Variants in OTUD7A observed in about 807,000 individuals in gnomAD.
OTUD7A encodes OTU domain-containing protein 7A.
OTUD7A carries 12 observed loss-of-function variants against 65.7 expected under a neutral mutation model. That is an observed-to-expected ratio of 0.18 (90% CI 0.12 to 0.30). The LOEUF (loss-of-function observed/expected upper bound fraction) is 0.30, where lower values mean the gene tolerates loss of function less well. Ranked by LOEUF, OTUD7A falls within the 10% of genes least tolerant of loss-of-function variation. OTUD7A has a pLI of 1.00. For synonymous variants in OTUD7A, 641 were observed against 586.3 expected (o/e 1.09, Z -1.35); for missense variants, 1,148 against 1,304.8 (o/e 0.88, Z 1.85).
chr15:31,815,192 C>T (rs558365220), intron 1 of OTUD7A, among the ~76,000 whole-genome samples: 1 of 152,302 alleles, frequency 6.6e-6, no homozygotes, highest in Non-Finnish European at 1.5e-5. Flanking sequence ...GGAAACTCCC[C>T]TCCAAACACC....
intron 1 of OTUD7A, among the ~76,000 whole-genome samples, chr15:31,750,031 A>G (rs1237692939): frequency 6.6e-6 from 1 of 152,220 alleles, no homozygotes; most frequent in Non-Finnish European, 1.5e-5. Flanking sequence ...TCTAAAGCAG[A>G]ACTCAAAAAC....
chr15:31,811,528 G>T (rs1316845222), intron 1 of OTUD7A, among the ~76,000 whole-genome samples: 1 of 152,018 alleles, frequency 6.6e-6, no homozygotes, highest in Non-Finnish European at 1.5e-5. Flanking sequence ...TGACATCTGT[G>T]GGGTGTGTGT....
At chr15:31,694,440 A>G (rs1307143553) in intron 1 of OTUD7A, among the ~76,000 whole-genome samples, 2 of 152,132 alleles carry the variant, frequency 1.3e-5, no homozygotes, top group Non-Finnish European at 1.5e-5. Context: ...CTCATCATTC[A>G]ACCAAAAAAC....
chr15:31,776,655 T>C (rs1259392093), intron 1 of OTUD7A, among the ~76,000 whole-genome samples: 2 of 152,180 alleles, frequency 1.3e-5, no homozygotes, highest in Non-Finnish European at 2.9e-5. Flanking sequence ...GACTTAGGAA[T>C]ACTGAGGAAA....
chr15:31,535,993 T>C (rs1161007578), intron 5 of OTUD7A, among the ~76,000 whole-genome samples: 1 of 152,210 alleles, frequency 6.6e-6, no homozygotes, highest in Non-Finnish European at 1.5e-5. Context: ...TTCTGTTTTC[T>C]AGTGAACTCA....
At chr15:31,532,533 T>TA (rs202169622) in intron 5 of OTUD7A, among the ~76,000 whole-genome samples, 55,810 of 147,298 alleles carry the variant, frequency 0.38, 11,146 homozygotes, top group East Asian at 0.68. Context: ...AAATTAAACT[T>TA]AAAAAAAAAA....
chr15:31,678,136 G>C (rs545828243), intron 1 of OTUD7A, among the ~76,000 whole-genome samples: 1 of 152,260 alleles, frequency 6.6e-6, no homozygotes, highest in South Asian at 2.1e-4. Flanking sequence ...GATGATTTAG[G>C]GTATCTGGTG....
intron 1 of OTUD7A, among the ~76,000 whole-genome samples, chr15:31,818,086 C>G (rs1471266532): frequency 6.6e-6 from 1 of 152,174 alleles, no homozygotes; most frequent in Non-Finnish European, 1.5e-5. Context: ...AACAAGGCAC[C>G]ATCTATGGAG....
intron 3 of OTUD7A, among the ~76,000 whole-genome samples, chr15:31,605,589 T>C (rs1890216371): frequency 6.6e-6 from 1 of 152,130 alleles, no homozygotes; most frequent in Admixed American, 6.5e-5. Context: ...GGCAAAGCCA[T>C]TAGGGGGCGC....
chr15:31,589,195 T>C (rs987764751), intron 3 of OTUD7A, among the ~76,000 whole-genome samples: 1 of 152,168 alleles, frequency 6.6e-6, no homozygotes, highest in African/African-American at 2.4e-5. Flanking sequence ...CGTGTGTATA[T>C]GGATATGTGT....
At chr15:31,739,297 C>G (rs1894275296) in intron 1 of OTUD7A, among the ~76,000 whole-genome samples, 2 of 152,134 alleles carry the variant, frequency 1.3e-5, no homozygotes, top group African/African-American at 4.8e-5. Context: ...TGATGTCATC[C>G]AGTCCAATGC....
rs142317093 is a variant in OTUD7A, at chr15:31,778,783, G to A, written c.-100+91724C>T. ...ACACGCACATACACACACACACACC[G>A]AGTGGGGGATTCATTTATTTCTCTG... On this transcript the variant is annotated intron_variant, in intron 1 of 12. Transcript: ENST00000307050. 4.2e-3 allele frequency among the ~76,000 whole-genome samples: 642 copies of A among 152,100 alleles called. 2 individuals carry two copies. Among genetic ancestry groups the A allele is most frequent in the Non-Finnish European group, 6.0e-3 (406 of 67,978 alleles).
intron 1 of OTUD7A, among the ~76,000 whole-genome samples, chr15:31,719,563 T>A (rs550961833): frequency 6.6e-6 from 1 of 152,344 alleles, no homozygotes; most frequent in Admixed American, 6.5e-5. Flanking sequence ...GCACTGTTCC[T>A]CTGCTACTAT....
intron 8 of OTUD7A, among the ~76,000 whole-genome samples, chr15:31,515,730 G>A (rs2041840380): frequency 1.5e-5 from 2 of 132,316 alleles, no homozygotes; most frequent in Non-Finnish European, 3.2e-5. Flanking sequence ...GCATCCATCT[G>A]TCCATCCATT....
intron 1 of OTUD7A, among the ~76,000 whole-genome samples, chr15:31,793,558 C>T (rs1188339912): frequency 2.0e-5 from 3 of 152,204 alleles, no homozygotes; most frequent in Non-Finnish European, 4.4e-5. Flanking sequence ...TCTCATTCTC[C>T]GTCATCCTTA....
At chr15:31,610,609 A>ATTTTTTTTTTTTT (rs1566942812) in intron 3 of OTUD7A, among the ~76,000 whole-genome samples, 1 of 39,788 alleles carries the variant, frequency 2.5e-5, no homozygotes. Context: ...ATATATATAT[A>ATTTTTTTTTTTTT]TATATATATT....
chr15:31,734,471 A>G (rs1423672332), intron 1 of OTUD7A, among the ~76,000 whole-genome samples: 1 of 152,216 alleles, frequency 6.6e-6, no homozygotes, highest in Non-Finnish European at 1.5e-5. Flanking sequence ...AAAAGAACAA[A>G]GCTGGAGGCA....
intron 1 of OTUD7A, among the ~76,000 whole-genome samples, chr15:31,682,895 G>A (rs1022941863): frequency 6.6e-6 from 1 of 152,226 alleles, no homozygotes. Context: ...ATGTGTGTAT[G>A]AATGTATGTG....
intron 1 of OTUD7A, among the ~76,000 whole-genome samples, chr15:31,742,919 T>C (rs1894381087): frequency 6.6e-6 from 1 of 151,834 alleles, no homozygotes; most frequent in African/African-American, 2.4e-5. Flanking sequence ...AGGAAGACAA[T>C]AAATATATAT....
Sources: allele counts gnomAD v4.1 joint callset (sites outside exome capture counted in the v4.1 genomes callset), GRCh38; gene constraint gnomAD v4.1.1; transcripts MANE v1.5; gene names NCBI Gene and HGNC (gene_info 2026-07-23, HGNC 2026-07-21).